The following FMN2 variants were observed in gnomAD, a reference collection of about 807,000 sequenced individuals.
The protein encoded by FMN2 is formin-2.
In FMN2, 51 loss-of-function variants were observed where a neutral mutation model predicts 142.3. The observed-to-expected ratio is 0.36, with a 90% CI of 0.29 to 0.45. The LOEUF (loss-of-function observed/expected upper bound fraction) is 0.45, where lower values mean the gene tolerates loss of function less well. FMN2 is among the 20% of genes least tolerant of loss of function. FMN2 has a pLI of 1.00. For missense variants in FMN2, 1,936 were observed against 2,122.8 expected (o/e 0.91, Z 1.73); for synonymous variants, 882 against 869.8 (o/e 1.01, Z -0.25).
chr1:240,300,000 T>C (rs1379060314), intron 8 of FMN2, among the ~76,000 whole-genome samples: 1 of 152,128 alleles, frequency 6.6e-6, no homozygotes, highest in Non-Finnish European at 1.5e-5. Context: ...CTGCAGACTC[T>C]CCCCAAACTT....
At chr1:240,462,805 G>C (rs1323390973) in intron 16 of FMN2, among the ~76,000 whole-genome samples, 4 of 152,136 alleles carry the variant, frequency 2.6e-5, no homozygotes, top group African/African-American at 4.8e-5. Flanking sequence ...GAAAATCTGG[G>C]GGGGAAAGAA....
intron 8 of FMN2, among the ~76,000 whole-genome samples, chr1:240,315,687 T>A (rs937482026): frequency 6.6e-5 from 10 of 152,190 alleles, no homozygotes; most frequent in African/African-American, 2.4e-4. Context: ...TTCTCCTCAG[T>A]CCTTGGCATT....
intron 6 of FMN2, among the ~76,000 whole-genome samples, chr1:240,229,990 G>T (rs1667483810): frequency 7.7e-6 from 1 of 129,496 alleles, no homozygotes; most frequent in Non-Finnish European, 1.6e-5. Context: ...CACATTTTAA[G>T]AAACTGTAGT....
intron 7 of FMN2, among the ~76,000 whole-genome samples, chr1:240,289,075 C>A (rs12136908): frequency 0.31 from 47,020 of 152,030 alleles, 7,774 homozygotes; most frequent in Admixed American, 0.48. Flanking sequence ...GTAACTTGCC[C>A]TGCAGAAATG....
Position 240,294,816 on chromosome 1 carries a change from C to G in FMN2, c.4154-6C>G, listed in dbSNP as rs1455293268. The G allele has an allele frequency of 1.2e-6, 2 of 1,613,332 alleles. No individual in the cohort carries two copies. The highest frequency in any genetic ancestry group is 1.7e-6 in the Non-Finnish European group (2 of 1,179,616). On this transcript the variant is annotated splice_region_variant and splice_polypyrimidine_tract_variant and intron_variant, in intron 7 of 17. Transcript: ENST00000319653. ...GGCAATTTATATTCTTCTTTTTTTTCCACAGCTGTTGTGAACTTGGATAAT... is the reference window on the plus strand; with the variant it reads ...GGCAATTTATATTCTTCTTTTTTTTGCACAGCTGTTGTGAACTTGGATAAT...
chr1:240,365,197 A>ATG (rs774119056), intron 14 of FMN2, among the ~76,000 whole-genome samples: 2 of 140,946 alleles, frequency 1.4e-5, no homozygotes, highest in East Asian at 4.1e-4. Flanking sequence ...ATACATACAT[A>ATG]TGTGTGTGTA....
intron 6 of FMN2, among the ~76,000 whole-genome samples, chr1:240,224,032 G>C (rs944797905): frequency 1.3e-5 from 2 of 151,860 alleles, no homozygotes; most frequent in Non-Finnish European, 2.9e-5. Flanking sequence ...TAGCTTTTGG[G>C]TTTGTTGGCT....
intron 7 of FMN2, among the ~76,000 whole-genome samples, chr1:240,266,143 C>T (rs1195201855): frequency 6.6e-6 from 1 of 150,564 alleles, no homozygotes; most frequent in Non-Finnish European, 1.5e-5. Flanking sequence ...CACCCAGGTA[C>T]TAAGAAGAGT....
intron 7 of FMN2, among the ~76,000 whole-genome samples, chr1:240,272,091 T>C (rs564355056): frequency 1.3e-5 from 2 of 152,156 alleles, no homozygotes; most frequent in African/African-American, 2.4e-5. Flanking sequence ...ATCATGTATT[T>C]GTTTATTTGT....
rs577179727 is a variant in FMN2 at position 240,262,503 on chromosome 1, C to T, written c.4153+4471C>T. ...ATCCTACAGCTTCATAGTGGTAGTTCACTTCTGTGAAAATTGATTAAATAT... is the reference window on the plus strand; with the variant it reads ...ATCCTACAGCTTCATAGTGGTAGTTTACTTCTGTGAAAATTGATTAAATAT... On this transcript the variant is annotated intron_variant, in intron 7 of 17. Coordinates refer to ENST00000319653, the MANE Select transcript of FMN2 (RefSeq NM_020066.5). Among the ~76,000 whole-genome samples the T allele has an allele frequency of 3.9e-5, 6 of 152,208 alleles. No individual in the cohort carries two copies. The South Asian group carries it at 1.2e-3, about 32-fold the overall frequency.
At position 240,178,072 on chromosome 1, in the gene FMN2, AC is replaced by A. The variant is rs1393227139; in HGVS notation, c.1930+7del. On this transcript the variant is annotated splice_donor_5th_base_variant and intron_variant, in intron 3 of 17. Transcript: ENST00000319653. ...AGGCTCGAGGATGCTGAAACAGGTAACCCTTTCCTTTGTCTTCAGAGATAAC... is the reference window on the plus strand; with the variant it reads ...AGGCTCGAGGATGCTGAAACAGGTAACCTTTCCTTTGTCTTCAGAGATAAC... 3 of 1,578,360 alleles carry A rather than the reference AC, an allele frequency of 1.9e-6. No homozygotes were observed. The highest frequency in any genetic ancestry group is 2.6e-6 in the Non-Finnish European group (3 of 1,167,750).
In FMN2 at chr1:240,092,753, T is replaced by C; in HGVS notation, c.644T>C (p.Leu215Pro). ...LQQQQQQQLQ[L>P]QLQQQQQQQQ... ...CAGCAGCAGCAGCAGCAGCTCCAGC[T>C]CCAGCTCCAGCAACAGCAGCAGCAG... The change falls in exon 1 of 18, where the codon CTC (leucine) becomes CCC (proline). Residue 215 changes from leucine to proline, a missense_variant. Leu to Pro is a moderately conservative substitution (Grantham distance 98). Coordinates refer to ENST00000319653, the MANE Select transcript of FMN2 (RefSeq NM_020066.5). 3.1e-6 allele frequency: 5 copies of C among 1,611,872 alleles called. No homozygotes were observed. The highest frequency in any genetic ancestry group is 3.4e-6 in the Non-Finnish European group (4 of 1,179,366).
Position 240,122,072 on chromosome 1 carries a change from A to AT in FMN2, c.1616-1105dup, listed in dbSNP as rs755643024. 4.4e-3 allele frequency among the ~76,000 whole-genome samples: 634 copies of AT among 144,592 alleles called. 7 individuals are homozygous for AT. Among genetic ancestry groups the AT allele is most frequent in the Middle Eastern group, 0.026 (7 of 274 alleles). The allele number at this position is 144,592 out of a possible 152,430, so 94.9% of individuals were successfully genotyped here. On this transcript the variant is annotated intron_variant, in intron 1 of 17. Transcript: ENST00000319653. ...AGCCTTTTGGATCCAAAATTAATTA[A>AT]TTAATTTATTTATTTATTTATGAAT...
At chr1:240,434,856 G>A (rs910820842) in intron 15 of FMN2, among the ~76,000 whole-genome samples, 16 of 144,982 alleles carry the variant, frequency 1.1e-4, no homozygotes, top group Middle Eastern at 3.4e-3. Context: ...CAGGCTGCTT[G>A]TTTTTTTTTT....
intron 3 of FMN2, chr1:240,180,128 A>T (rs966620859): frequency 1.3e-5 from 16 of 1,239,570 alleles, no homozygotes; most frequent in Middle Eastern, 4.7e-4. Context: ...GTGATTTTTA[A>T]TGAAATAACT....
chr1:240,444,107 G>A (rs946282065), intron 16 of FMN2, among the ~76,000 whole-genome samples: 7 of 152,190 alleles, frequency 4.6e-5, no homozygotes, highest in Non-Finnish European at 8.8e-5. Flanking sequence ...TGTAAGTTGC[G>A]CTCAGTTTTC....
intron 1 of FMN2, among the ~76,000 whole-genome samples, chr1:240,116,378 A>G (rs1326780583): frequency 6.6e-6 from 1 of 152,156 alleles, no homozygotes; most frequent in Non-Finnish European, 1.5e-5. Context: ...GGGAGAGAAT[A>G]TAGAAAGAGT....
At chr1:240,450,955 A>C (rs1241652659) in intron 16 of FMN2, among the ~76,000 whole-genome samples, 5 of 152,240 alleles carry the variant, frequency 3.3e-5, no homozygotes, top group Non-Finnish European at 5.9e-5. Flanking sequence ...GAAGGTTAAC[A>C]GGACAACAGA....
intron 6 of FMN2, among the ~76,000 whole-genome samples, chr1:240,255,421 A>G (rs771840662): frequency 1.7e-4 from 26 of 152,150 alleles, no homozygotes; most frequent in Non-Finnish European, 2.8e-4. Context: ...TGTCCAAGGA[A>G]CACACTTTGA....
Sources: gnomAD v4.1 joint callset for allele counts (sites outside exome capture counted in the v4.1 genomes callset) on GRCh38, gnomAD v4.1.1 for gene constraint, MANE v1.5 for transcripts, NCBI Gene and HGNC (gene_info 2026-07-23, HGNC 2026-07-21) for gene names.